Variants in PPP2R5E observed in about 807,000 individuals in gnomAD.
The protein encoded by PPP2R5E is protein phosphatase 2 regulatory subunit B'epsilon, also known as serine/threonine-protein phosphatase 2A 56 kDa regulatory subunit epsilon isoform.
In PPP2R5E, 4 loss-of-function variants were observed where a neutral mutation model predicts 65.3. The ratio of observed to expected loss-of-function variants is 0.06; its 90% CI spans 0.03 to 0.14. PPP2R5E has a LOEUF of 0.14. PPP2R5E is among the 10% of genes least tolerant of loss of function. The probability of loss-of-function intolerance (pLI) is 1.00; values close to 1 mark genes in which losing one functional copy is unlikely to be tolerated. For missense variants in PPP2R5E, 274 were observed against 556.1 expected, an observed-to-expected ratio of 0.49 and a Z score of 5.10; for synonymous variants, 183 against 187.4, an observed-to-expected ratio of 0.98 and a Z score of 0.19.
chr14:63,466,887 C>T (rs555000889), intron 2 of PPP2R5E, among the ~76,000 whole-genome samples: 8 of 152,168 alleles, frequency 5.3e-5, no homozygotes, highest in Non-Finnish European at 1.0e-4. Flanking sequence ...AAAAGGACAG[C>T]GAACGTGTCT....
intron 2 of PPP2R5E, among the ~76,000 whole-genome samples, chr14:63,464,526 A>C (rs535040551): frequency 1.3e-5 from 2 of 152,306 alleles, no homozygotes; most frequent in Non-Finnish European, 2.9e-5. Context: ...ATGTGGCTGG[A>C]GCTGGAGTGG....
At chr14:63,422,207 C>G (rs1045678643) in intron 3 of PPP2R5E, 113 bp from the exon 4 acceptor site, 1 of 814,922 alleles carries the variant, frequency 1.2e-6, no homozygotes, top group African/African-American at 1.7e-5. Flanking sequence ...AGGAACATCA[C>G]CAAACTAGAA....
At chr14:63,492,503 A>C (rs892596671) in intron 2 of PPP2R5E, among the ~76,000 whole-genome samples, 12 of 152,176 alleles carry the variant, frequency 7.9e-5, no homozygotes, top group Non-Finnish European at 1.5e-4. Context: ...TTAAAGGGTC[A>C]TAACAGGTTT....
chr14:63,422,207 C>T (rs1045678643), intron 3 of PPP2R5E, 113 bp from the exon 4 acceptor site: 9 of 815,040 alleles, frequency 1.1e-5, no homozygotes, highest in Non-Finnish European at 1.8e-5. Flanking sequence ...AGGAACATCA[C>T]CAAACTAGAA....
chr14:63,441,974 AC>A (rs1888263503), intron 3 of PPP2R5E, among the ~76,000 whole-genome samples: 1 of 151,942 alleles, frequency 6.6e-6, no homozygotes, highest in Non-Finnish European at 1.5e-5. Flanking sequence ...GGGTTCAGTG[AC>A]CCCAAGAAAT....
chr14:63,380,716 A>G (rs1439117060), intron 13 of PPP2R5E, among the ~76,000 whole-genome samples: 3 of 152,152 alleles, frequency 2.0e-5, no homozygotes, highest in Admixed American at 6.5e-5. Flanking sequence ...AACATATCCC[A>G]TAATTGATAA....
intron 2 of PPP2R5E, among the ~76,000 whole-genome samples, chr14:63,496,347 G>C (rs2139651570): frequency 6.6e-6 from 1 of 151,118 alleles, no homozygotes; most frequent in African/African-American, 2.4e-5. Context: ...TACAGGCTGA[G>C]GCACAAGAAT....
intron 4 of PPP2R5E, among the ~76,000 whole-genome samples, chr14:63,420,267 T>G (rs1886931166): frequency 6.6e-6 from 1 of 152,202 alleles, no homozygotes; most frequent in Admixed American, 6.5e-5. Flanking sequence ...GTTGTTAAGT[T>G]TCTTCCAGAC....
At chr14:63,522,955 G>A (rs1305918244) in intron 2 of PPP2R5E, among the ~76,000 whole-genome samples, 10 of 145,992 alleles carry the variant, frequency 6.8e-5, no homozygotes, top group Non-Finnish European at 1.5e-4. Context: ...CCGGGAGGGA[G>A]GTGGGGGGGT....
intron 2 of PPP2R5E, among the ~76,000 whole-genome samples, chr14:63,468,440 C>G (rs1174584920): frequency 1.3e-5 from 2 of 152,200 alleles, no homozygotes; most frequent in African/African-American, 4.8e-5. Flanking sequence ...AGGTAAGATG[C>G]TGACTCAATA....
intron 13 of PPP2R5E, among the ~76,000 whole-genome samples, chr14:63,377,359 C>G (rs936444067): frequency 5.3e-5 from 8 of 152,036 alleles, no homozygotes; most frequent in Non-Finnish European, 1.0e-4. Flanking sequence ...GTATGTAATT[C>G]CAATGCCTCA....
rs190465803 is a variant in PPP2R5E, at chr14:63,427,142, T to C, written c.355-5048A>G. Among the ~76,000 whole-genome samples, 984 of 152,316 alleles carry C rather than the reference T, an allele frequency of 6.5e-3. 10 individuals carry two copies. The highest frequency in any genetic ancestry group is 0.023 in the African/African-American group (944 of 41,566). On this transcript the variant is annotated intron_variant, in intron 3 of 13. Transcript: ENST00000337537. ...TGCTTATGCAAATGTATCACAGCCA[T>C]GAGTAAGCACCAACATCACTCCCCA... is the stretch of plus-strand genomic sequence containing the variant.
rs1430726773 is a variant in PPP2R5E at position 63,420,922 on chromosome 14, G to A, written c.456+1071C>T. Among the ~76,000 whole-genome samples, 7 of 128,656 alleles carry A rather than the reference G, an allele frequency of 5.4e-5. No individual in the cohort carries two copies. In the South Asian group the frequency reaches 1.7e-3, roughly 31 times the overall value. 84.4% of individuals were successfully genotyped at this position (128,656 alleles called of 152,430 possible). A position where few individuals can be genotyped will look rare whatever the true frequency, so the allele number is the denominator to read the frequency against. ...AAAAAAATTAGCCGGGCGTAGTGGC[G>A]GGCGCCTGTAGTCCCAGCTACTTGG... On this transcript the variant is annotated intron_variant, in intron 4 of 13. Coordinates refer to ENST00000337537, the MANE Select transcript of PPP2R5E (RefSeq NM_006246.5).
At chr14:63,510,388 A>C (rs985488901) in intron 2 of PPP2R5E, among the ~76,000 whole-genome samples, 1 of 152,238 alleles carries the variant, frequency 6.6e-6, no homozygotes, top group Non-Finnish European at 1.5e-5. Flanking sequence ...AAAATACTCA[A>C]GGTCACTGCC....
chr14:63,484,347 T>TCTCACACACACACACA (rs758248092), intron 2 of PPP2R5E, among the ~76,000 whole-genome samples: 1 of 139,596 alleles, frequency 7.2e-6, no homozygotes, highest in African/African-American at 2.8e-5. Flanking sequence ...TCTCTCTCTC[T>TCTCACACACACACACA]CACACACACA....
intron 2 of PPP2R5E, among the ~76,000 whole-genome samples, chr14:63,531,596 AAC>A (rs1275703237): frequency 1.3e-5 from 2 of 152,238 alleles, no homozygotes; most frequent in African/African-American, 4.8e-5. Context: ...ACTGAACTTT[AAC>A]ATCTATTAAC....
intron 2 of PPP2R5E, among the ~76,000 whole-genome samples, chr14:63,465,324 A>C (rs913520742): frequency 2.0e-5 from 3 of 151,750 alleles, no homozygotes; most frequent in African/African-American, 7.3e-5. Context: ...TAGAAACATT[A>C]AATTTTTGAC....
intron 4 of PPP2R5E, among the ~76,000 whole-genome samples, chr14:63,417,123 C>A (rs1307959767): frequency 1.3e-5 from 2 of 152,186 alleles, no homozygotes; most frequent in Non-Finnish European, 2.9e-5. Context: ...TCCATGCATG[C>A]TTTCCTAACA....
At chr14:63,506,291 A>T (rs970880096) in intron 2 of PPP2R5E, among the ~76,000 whole-genome samples, 1 of 152,038 alleles carries the variant, frequency 6.6e-6, no homozygotes, top group Non-Finnish European at 1.5e-5. Context: ...TCTACTAAAA[A>T]TACAAAAAAA....
Sources: allele counts gnomAD v4.1 joint callset (sites outside exome capture counted in the v4.1 genomes callset), GRCh38; gene constraint gnomAD v4.1.1; transcripts MANE v1.5; gene names NCBI Gene and HGNC (gene_info 2026-07-23, HGNC 2026-07-21).